The following GRIA2 variants were observed in gnomAD, a reference collection of about 807,000 sequenced individuals.
GRIA2 encodes the protein glutamate receptor 2.
A neutral mutation model predicts 97.3 loss-of-function variants in GRIA2; 14 were observed. The observed-to-expected ratio is 0.14, with a 90% CI of 0.10 to 0.23. The LOEUF (loss-of-function observed/expected upper bound fraction) is 0.23. Ranked by LOEUF, GRIA2 falls within the 10% of genes least tolerant of loss-of-function variation. The pLI is 1.00. For missense variants in GRIA2, 558 were observed against 1,069.8 expected, an observed-to-expected ratio of 0.52 and a Z score of 6.67; for synonymous variants, 412 against 387.8, an observed-to-expected ratio of 1.06 and a Z score of -0.73.
chr4:157,279,626 A>G (rs530194235), intron 2 of GRIA2, among the ~76,000 whole-genome samples: 4 of 152,214 alleles, frequency 2.6e-5, no homozygotes, highest in Admixed American at 2.6e-4. Flanking sequence ...TTTTTTCACT[A>G]TTTATACATA....
chr4:157,338,049 T>C (rs934891978), intron 11 of GRIA2, among the ~76,000 whole-genome samples: 639 of 9,662 alleles, frequency 0.066, 14 homozygotes, highest in East Asian at 0.3. Context: ...TATATATATA[T>C]ACACACACAT....
intron 2 of GRIA2, among the ~76,000 whole-genome samples, chr4:157,299,724 A>G (rs998632142): frequency 2.6e-5 from 4 of 152,150 alleles, no homozygotes; most frequent in African/African-American, 9.6e-5. Context: ...GGAGATTATC[A>G]TTTCTGCTGT....
intron 2 of GRIA2, among the ~76,000 whole-genome samples, chr4:157,260,191 C>T (rs979019804): frequency 6.6e-6 from 1 of 152,000 alleles, no homozygotes; most frequent in Non-Finnish European, 1.5e-5. Flanking sequence ...TAGACTTGTC[C>T]AGGACTTTAC....
chr4:157,226,351 C>A (rs1425959823), intron 2 of GRIA2, among the ~76,000 whole-genome samples: 2 of 151,932 alleles, frequency 1.3e-5, no homozygotes, highest in African/African-American at 2.4e-5. Flanking sequence ...TAAATGACAT[C>A]TAATTTGAAG....
At chr4:157,269,034 A>G (rs1731897461) in intron 2 of GRIA2, among the ~76,000 whole-genome samples, 1 of 152,128 alleles carries the variant, frequency 6.6e-6, no homozygotes, top group South Asian at 2.1e-4. Context: ...GTATACTTAC[A>G]CACACATACA....
intron 2 of GRIA2, among the ~76,000 whole-genome samples, chr4:157,225,999 A>T (rs1029072831): frequency 6.6e-6 from 1 of 152,048 alleles, no homozygotes; most frequent in South Asian, 2.1e-4. Context: ...TAAAAGGGCT[A>T]TAAACATGAG....
chr4:157,283,868 G>T (rs1398210984), intron 2 of GRIA2, among the ~76,000 whole-genome samples: 1 of 151,880 alleles, frequency 6.6e-6, no homozygotes. Context: ...TAAGATGAAA[G>T]AGATATTAGA....
intron 13 of GRIA2, 191 bp from the exon 14 acceptor site, chr4:157,360,819 G>T: frequency 1.6e-6 from 1 of 632,674 alleles, no homozygotes; most frequent in Non-Finnish European, 2.9e-6. Flanking sequence ...TTTTTGTTAT[G>T]CTCTACCACC....
chr4:157,355,904 T>TATATATATTAATATATTTATATATAA (rs1560781026), intron 12 of GRIA2, among the ~76,000 whole-genome samples: 6,331 of 13,450 alleles, frequency 0.47, 909 homozygotes, highest in Non-Finnish European at 0.58. Context: ...TATATATAAA[T>TATATATATTAATATATTTATATATAA]ATATATATAT....
chr4:157,289,540 A>T (rs766126843), intron 2 of GRIA2, among the ~76,000 whole-genome samples: 1 of 151,916 alleles, frequency 6.6e-6, no homozygotes, highest in Non-Finnish European at 1.5e-5. Flanking sequence ...AAGATTCTTA[A>T]GAAGTCCTGG....
chr4:157,332,795 T>A (rs914311607), intron 6 of GRIA2, 24 bp from the exon 7 acceptor site: 5 of 1,584,864 alleles, frequency 3.2e-6, no homozygotes, highest in Non-Finnish European at 4.3e-6. Flanking sequence ...CCCGTTCTTA[T>A]GAAATGTGTG....
intron 2 of GRIA2, among the ~76,000 whole-genome samples, chr4:157,278,782 A>G: frequency 8.7e-6 from 1 of 115,516 alleles, no homozygotes; most frequent in East Asian, 2.0e-4. Context: ...AAGGAAATGA[A>G]TAACCTGAAT....
At chr4:157,350,931 C>CTT (rs1240937135) in intron 12 of GRIA2, among the ~76,000 whole-genome samples, 31 of 117,520 alleles carry the variant, frequency 2.6e-4, no homozygotes, top group African/African-American at 3.1e-4. Flanking sequence ...TTAGTTTTTT[C>CTT]TTTTTTTTTT....
At chr4:157,261,391 T>C (rs1439383872) in intron 2 of GRIA2, among the ~76,000 whole-genome samples, 2 of 152,264 alleles carry the variant, frequency 1.3e-5, no homozygotes, top group South Asian at 2.1e-4. Context: ...TTTGTCTACA[T>C]TGCCTTGTGT....
intron 2 of GRIA2, among the ~76,000 whole-genome samples, chr4:157,231,448 A>AT: frequency 6.6e-6 from 1 of 152,280 alleles, no homozygotes; most frequent in East Asian, 1.9e-4. Context: ...AAGCACTGAG[A>AT]TTACAGGCAT....
At position 157,221,928 on chromosome 4, in the gene GRIA2, G is replaced by C; in HGVS notation, c.229+121G>C. The C allele has an allele frequency of 9.0e-6, 8 of 891,602 alleles. No homozygotes were observed. In the South Asian group the frequency reaches 1.2e-4, roughly 13 times the overall value. The allele number at this position is 891,602 out of a possible 1,614,324, so 55.2% of individuals were successfully genotyped here. A position where few individuals can be genotyped will look rare whatever the true frequency, so the allele number is the denominator to read the frequency against. ...TCTGTGTGTCAGTGTGTGGGTGTGA[G>C]TGACTGCACACACGCGTGCGTGTGA... On this transcript the variant is annotated intron_variant, in intron 2 of 15. Transcript: ENST00000264426.
chr4:157,295,939 A>T (rs1386901583), intron 2 of GRIA2, among the ~76,000 whole-genome samples: 1 of 152,110 alleles, frequency 6.6e-6, no homozygotes, highest in African/African-American at 2.4e-5. Flanking sequence ...AAATTGTGGG[A>T]ATTTTTCTCT....
At chr4:157,231,329 A>C (rs796387180) in intron 2 of GRIA2, among the ~76,000 whole-genome samples, 9 of 152,210 alleles carry the variant, frequency 5.9e-5, no homozygotes, top group African/African-American at 2.2e-4. Context: ...GTGAGCCACC[A>C]TGCCTGGTCG....
At chr4:157,270,027 ACTT>A (rs969986485) in intron 2 of GRIA2, among the ~76,000 whole-genome samples, 5 of 152,234 alleles carry the variant, frequency 3.3e-5, no homozygotes, top group Non-Finnish European at 4.4e-5. Flanking sequence ...ATTAAAAGTG[ACTT>A]CTTAAGAGGC....
Sources: gnomAD v4.1 joint callset for allele counts (sites outside exome capture counted in the v4.1 genomes callset) on GRCh38, gnomAD v4.1.1 for gene constraint, MANE v1.5 for transcripts, NCBI Gene and HGNC (gene_info 2026-07-23, HGNC 2026-07-21) for gene names.